The following SNAP91 variants were observed in gnomAD, a reference collection of about 807,000 sequenced individuals.
The protein encoded by SNAP91 is synaptosome associated protein 91, also known as clathrin coat assembly protein AP180.
SNAP91 carries 27 observed loss-of-function variants against 100.3 expected under a neutral mutation model. That is an observed-to-expected ratio of 0.27 (90% confidence interval 0.20 to 0.37). SNAP91 has a LOEUF of 0.37. Ranked by LOEUF, SNAP91 falls within the 10% of genes least tolerant of loss-of-function variation. The probability of loss-of-function intolerance (pLI) is 1.00; values close to 1 mark genes in which losing one functional copy is unlikely to be tolerated. For missense variants in SNAP91, 986 were observed against 1,123.7 expected (o/e 0.88, Z 1.75); for synonymous variants, 404 against 398.6 (o/e 1.01, Z -0.16).
At chr6:83,593,406 T>C (rs1582860961) in intron 18 of SNAP91, 72 bp downstream of exon 18, 1 of 1,532,402 alleles carries the variant, frequency 6.5e-7, no homozygotes, top group African/African-American at 1.4e-5. Context: ...ACAGTCTTCA[T>C]GCAGTACATC....
chr6:83,663,702 G>A (rs538321622), intron 3 of SNAP91, among the ~76,000 whole-genome samples: 2 of 152,182 alleles, frequency 1.3e-5, no homozygotes, highest in Admixed American at 6.6e-5. Context: ...GAAGCAGGAA[G>A]TGCTGATGAA....
intron 8 of SNAP91, among the ~76,000 whole-genome samples, chr6:83,632,028 T>C (rs1451677712): frequency 6.6e-6 from 1 of 152,142 alleles, no homozygotes; most frequent in Non-Finnish European, 1.5e-5. Context: ...TAGCAGTTCT[T>C]GTAGTGGTGG....
intron 7 of SNAP91, among the ~76,000 whole-genome samples, chr6:83,652,411 G>A (rs1414795738): frequency 6.6e-6 from 1 of 151,880 alleles, no homozygotes; most frequent in Non-Finnish European, 1.5e-5. Context: ...AGTTTGCTAT[G>A]TACATTTACA....
At chr6:83,690,453 G>A (rs1204333759) in intron 2 of SNAP91, 2 of 1,254,034 alleles carry the variant, frequency 1.6e-6, no homozygotes, top group Non-Finnish European at 2.1e-6. Flanking sequence ...AAACAATGCA[G>A]CTCAGTTACA....
chr6:83,699,469 T>C (rs1249420778), intron 2 of SNAP91, among the ~76,000 whole-genome samples: 1 of 151,872 alleles, frequency 6.6e-6, no homozygotes, highest in Non-Finnish European at 1.5e-5. Context: ...CTAGAAGGTA[T>C]CTGAAAAACA....
At chr6:83,593,811 A>G (rs918207310) in intron 17 of SNAP91, 70 bp from the exon 18 acceptor site, 6 of 1,505,694 alleles carry the variant, frequency 4.0e-6, no homozygotes, top group Non-Finnish European at 5.3e-6. Context: ...CATCATAACT[A>G]TGGCAAGAGA....
At chr6:83,685,928 C>CT (rs2099054286) in intron 2 of SNAP91, among the ~76,000 whole-genome samples, 1 of 151,840 alleles carries the variant, frequency 6.6e-6, no homozygotes, top group South Asian at 2.1e-4. Context: ...TTTTTTTCAC[C>CT]TTTAACATAT....
At chr6:83,592,816 A>C in intron 20 of SNAP91, 130 bp downstream of exon 20, 1 of 782,604 alleles carries the variant, frequency 1.3e-6, no homozygotes, top group East Asian at 2.7e-5. Flanking sequence ...TGGTCCCAAG[A>C]GTGAGTTTTT....
rs1583614677 is a variant in SNAP91, at chr6:83,610,731, A to G, written c.885-54T>C. ...ACTGAATATATATATATATATATAT[A>G]TATATATATATATATAAATATATAT... is the stretch of plus-strand genomic sequence containing the variant. On this transcript the variant is annotated intron_variant, in intron 11 of 29. Coordinates refer to ENST00000369694, the MANE Select transcript of SNAP91 (RefSeq NM_001242792.2). The G allele has an allele frequency of 2.4e-5, 5 of 210,790 alleles. 1 individual carries two copies. The South Asian group carries it at 6.4e-4, about 27-fold the overall frequency. 13.1% of individuals were successfully genotyped at this position (210,790 alleles called of 1,614,324 possible). A position where few individuals can be genotyped will look rare whatever the true frequency, so the allele number is the denominator to read the frequency against.
intron 2 of SNAP91, among the ~76,000 whole-genome samples, chr6:83,705,724 T>C (rs181963809): frequency 6.6e-6 from 1 of 151,524 alleles, no homozygotes; most frequent in East Asian, 1.9e-4. Context: ...GGCAGGAGAA[T>C]CACTCGAACC....
intron 16 of SNAP91, among the ~76,000 whole-genome samples, chr6:83,598,843 A>G (rs1473004758): frequency 2.0e-5 from 3 of 152,178 alleles, no homozygotes; most frequent in Admixed American, 6.5e-5. Flanking sequence ...AAATCACAAA[A>G]CAGATAATGA....
At chr6:83,601,885 C>T (rs1046807816) in intron 14 of SNAP91, among the ~76,000 whole-genome samples, 1 of 152,150 alleles carries the variant, frequency 6.6e-6, no homozygotes, top group African/African-American at 2.4e-5. Context: ...CTGTAGCTAA[C>T]CTTATACATG....
chr6:83,638,025 A>G (rs996891214), intron 8 of SNAP91, among the ~76,000 whole-genome samples: 14 of 152,240 alleles, frequency 9.2e-5, no homozygotes, highest in African/African-American at 2.6e-4. Flanking sequence ...GTGGCCAGGC[A>G]GGAAATCTTG....
chr6:83,618,393 C>T (rs927739317), intron 9 of SNAP91, among the ~76,000 whole-genome samples: 9 of 151,270 alleles, frequency 5.9e-5, no homozygotes, highest in Non-Finnish European at 1.0e-4. Flanking sequence ...AAAAGATTAT[C>T]GGCATCTAAT....
At chr6:83,656,640 A>G (rs1380187119) in intron 7 of SNAP91, 114 bp downstream of exon 7, 2 of 547,914 alleles carry the variant, frequency 3.7e-6, no homozygotes, top group African/African-American at 2.2e-5. Flanking sequence ...ACTCACTATC[A>G]TGATATTCCA....
chr6:83,707,965 A>G lies in SNAP91; in HGVS notation c.-30-8T>C. ...CGTCTACCGCCTCCTCTTCTGCAGG[A>G]AACAAGGGGAGACGGTCCGGCTTTA... On this transcript the variant is annotated splice_region_variant and splice_polypyrimidine_tract_variant and intron_variant, in intron 1 of 29. Transcript: ENST00000369694. The G allele has an allele frequency of 1.3e-6, 2 of 1,543,942 alleles. No homozygotes were observed. The highest frequency in any genetic ancestry group is 1.7e-4 in the Middle Eastern group (1 of 5,854).
chr6:83,700,613 G>GT (rs1321987291), intron 2 of SNAP91, among the ~76,000 whole-genome samples: 2 of 151,648 alleles, frequency 1.3e-5, no homozygotes. Context: ...ATTTCAGATA[G>GT]TTTTTTGTTT....
intron 26 of SNAP91, among the ~76,000 whole-genome samples, chr6:83,564,090 G>C (rs1792755392): frequency 6.6e-6 from 1 of 152,020 alleles, no homozygotes; most frequent in Non-Finnish European, 1.5e-5. Flanking sequence ...ACACTTCCTG[G>C]TTTCAAAACT....
intron 11 of SNAP91, 69 bp downstream of exon 11, chr6:83,614,788 A>C (rs925669605): frequency 1.8e-6 from 2 of 1,132,826 alleles, no homozygotes; most frequent in African/African-American, 3.1e-5. Flanking sequence ...CAAATGTGGA[A>C]TCTTAAGAGT....
Sources: allele counts gnomAD v4.1 joint callset (sites outside exome capture counted in the v4.1 genomes callset), GRCh38; gene constraint gnomAD v4.1.1; transcripts MANE v1.5; gene names NCBI Gene and HGNC (gene_info 2026-07-23, HGNC 2026-07-21).